The following DYRK1A variants were observed in gnomAD, a reference collection of about 807,000 sequenced individuals.
DYRK1A encodes dual specificity tyrosine phosphorylation regulated kinase 1A.
In DYRK1A, 9 loss-of-function variants were observed where a neutral mutation model predicts 79.7. The ratio of observed to expected loss-of-function variants is 0.11; its 90% confidence interval spans 0.07 to 0.20. DYRK1A has a LOEUF of 0.20. Among genes scored for constraint, DYRK1A ranks in the 10% least tolerant of loss-of-function variants. The probability of loss-of-function intolerance (pLI) is 1.00; values close to 1 mark genes in which losing one functional copy is unlikely to be tolerated. For missense variants in DYRK1A, 622 were observed against 956.0 expected, an observed-to-expected ratio of 0.65 and a Z score of 4.61; for synonymous variants, 349 against 329.7, an observed-to-expected ratio of 1.06 and a Z score of -0.63.
chr21:37,521,143 G>A lies in DYRK1A; in HGVS notation c.*8612G>A, dbSNP rs1001778156. On this transcript the variant is annotated 3_prime_UTR_variant, in exon 12 of 12. Transcript: ENST00000647188. ...CCCACGTGCGTATTCACTAATTGTGGTCTTTCTCCCCAGCTCGGTTTTGTT... is the reference window on the plus strand; with the variant it reads ...CCCACGTGCGTATTCACTAATTGTGATCTTTCTCCCCAGCTCGGTTTTGTT... 2 of 152,194 alleles carry A rather than the reference G, an allele frequency of 1.3e-5. No individual in the cohort carries two copies. Among genetic ancestry groups the A allele is most frequent in the South Asian group, 2.1e-4 (1 of 4,832 alleles). The allele number at this position is 152,194 out of a possible 1,614,324, so 9.4% of individuals were successfully genotyped here. A position where few individuals can be genotyped will look rare whatever the true frequency, so the allele number is the denominator to read the frequency against.
intron 1 of DYRK1A, among the ~76,000 whole-genome samples, chr21:37,385,030 C>T (rs762485357): frequency 6.6e-6 from 1 of 151,884 alleles, no homozygotes; most frequent in East Asian, 1.9e-4. Context: ...ATGTTGACAT[C>T]TTGGACGTGA....
intron 1 of DYRK1A, among the ~76,000 whole-genome samples, chr21:37,408,203 T>G (rs1467702245): frequency 6.6e-6 from 1 of 152,248 alleles, no homozygotes; most frequent in Admixed American, 6.5e-5. Context: ...GTGTCACTGA[T>G]TCTTTAAATT....
intron 2 of DYRK1A, among the ~76,000 whole-genome samples, chr21:37,428,657 T>A (rs566317810): frequency 6.6e-6 from 1 of 152,314 alleles, no homozygotes; most frequent in East Asian, 1.9e-4. Flanking sequence ...TTTGATGGGA[T>A]TTGTTTTTTG....
intron 11 of DYRK1A, among the ~76,000 whole-genome samples, chr21:37,508,478 G>T (rs1468342330): frequency 1.3e-5 from 2 of 152,120 alleles, no homozygotes; most frequent in Non-Finnish European, 2.9e-5. Flanking sequence ...GTAGAGACGG[G>T]GTTTTGCCAC....
rs950464497 is a variant in DYRK1A at position 37,494,631 on chromosome 21, C to T, written c.1071+1468C>T. On this transcript the variant is annotated intron_variant, in intron 8 of 11. Transcript: ENST00000647188. ...TCCTCATCCCATAGTTCTTAGCCAG[C>T]ATCTGACATCATGTATTTAATTATT... Among the ~76,000 whole-genome samples, 10 of 152,082 alleles carry T rather than the reference C, an allele frequency of 6.6e-5. No individual in the cohort carries two copies. In the South Asian group the frequency reaches 8.3e-4, roughly 13 times the overall value.
In DYRK1A at chr21:37,521,489, C is replaced by A. The variant is rs1443193331; in HGVS notation, c.*8958C>A. 3.3e-5 allele frequency: 5 copies of A among 152,208 alleles called. No homozygotes were observed. Among genetic ancestry groups the A allele is most frequent in the Non-Finnish European group, 7.3e-5 (5 of 68,042 alleles). The allele number at this position is 152,208 out of a possible 1,614,324, so 9.4% of individuals were successfully genotyped here. ...TTGAACACCAGTCATGTGCAAAGCA[C>A]TTAGCTAGGTCTTAGGGATGAGGAC... On this transcript the variant is annotated 3_prime_UTR_variant, in exon 12 of 12. Transcript: ENST00000647188.
intron 2 of DYRK1A, among the ~76,000 whole-genome samples, chr21:37,456,893 T>C (rs1287228666): frequency 6.6e-6 from 1 of 152,196 alleles, no homozygotes; most frequent in African/African-American, 2.4e-5. Context: ...TTATTACTTT[T>C]TAATTGTGAA....
chr21:37,506,352 A>G (rs2053599106), intron 11 of DYRK1A, 129 bp downstream of exon 11: 1 of 1,570,772 alleles, frequency 6.4e-7, no homozygotes, highest in African/African-American at 1.3e-5. Flanking sequence ...TGTCTAAGGA[A>G]ATGTAAGTAT....
intron 11 of DYRK1A, among the ~76,000 whole-genome samples, chr21:37,508,489 G>A (rs1375143748): frequency 6.6e-6 from 1 of 152,106 alleles, no homozygotes; most frequent in Non-Finnish European, 1.5e-5. Flanking sequence ...GTTTTGCCAC[G>A]TTGGCCAGGC....
chr21:37,456,866 A>AATGT (rs901391126), intron 2 of DYRK1A, among the ~76,000 whole-genome samples: 4 of 152,250 alleles, frequency 2.6e-5, no homozygotes, highest in South Asian at 2.1e-4. Flanking sequence ...GAGTTCAGTG[A>AATGT]ATGTTGTCAC....
At chr21:37,488,368 T>C (rs1367450907) in intron 6 of DYRK1A, 14 of 895,840 alleles carry the variant, frequency 1.6e-5, no homozygotes, top group South Asian at 5.2e-5. Flanking sequence ...GAAAGTCATA[T>C]TGATTTTTAT....
At chr21:37,463,393 T>G (rs1288378368) in intron 2 of DYRK1A, among the ~76,000 whole-genome samples, 1 of 152,226 alleles carries the variant, frequency 6.6e-6, no homozygotes, top group African/African-American at 2.4e-5. Flanking sequence ...TAACACCTTC[T>G]GTGGAGCCAG....
In DYRK1A at chr21:37,518,244, C is replaced by CA. The variant is rs1179831990; in HGVS notation, c.*5714dup. 1 of 152,186 alleles carries CA rather than the reference C, an allele frequency of 6.6e-6. No homozygotes were observed. Among genetic ancestry groups the CA allele is most frequent in the East Asian group, 1.9e-4 (1 of 5,202 alleles). The allele number at this position is 152,186 out of a possible 1,614,324, so 9.4% of individuals were successfully genotyped here. ...AGAAAGAGCGTTTTTATGTACATCA[C>CA]AGACAAGCCTTGTTCTGCTGAAGAG... On this transcript the variant is annotated 3_prime_UTR_variant, in exon 12 of 12. Transcript: ENST00000647188.
chr21:37,493,207 T>A, intron 8 of DYRK1A, 44 bp downstream of exon 8: 6 of 1,550,546 alleles, frequency 3.9e-6, no homozygotes, highest in Non-Finnish European at 5.3e-6. Flanking sequence ...CATAATTTCT[T>A]TTTGTCTTTC....
At chr21:37,434,078 G>C (rs2050853802) in intron 2 of DYRK1A, among the ~76,000 whole-genome samples, 1 of 152,120 alleles carries the variant, frequency 6.6e-6, no homozygotes, top group Non-Finnish European at 1.5e-5. Context: ...AGGTGTGGGT[G>C]ATGGGTGCTT....
intron 7 of DYRK1A, among the ~76,000 whole-genome samples, chr21:37,492,039 GTTC>G (rs1375714528): frequency 6.6e-6 from 1 of 152,214 alleles, no homozygotes; most frequent in Non-Finnish European, 1.5e-5. Context: ...AGGTGACAAA[GTTC>G]TTGGCATAAG....
chr21:37,502,048 C>G (rs560935863), intron 9 of DYRK1A: 2 of 152,196 alleles, frequency 1.3e-5, no homozygotes, highest in East Asian at 1.9e-4. Context: ...TATAGTCTTA[C>G]CAGTGTTCTT....
intron 8 of DYRK1A, among the ~76,000 whole-genome samples, chr21:37,494,103 G>A (rs1474425642): frequency 6.6e-6 from 1 of 151,836 alleles, no homozygotes; most frequent in Non-Finnish European, 1.5e-5. Context: ...TGTTGGCCAG[G>A]CTGCTCTCGA....
intron 3 of DYRK1A, 90 bp from the exon 4 acceptor site, chr21:37,478,118 A>G (rs1436196000): frequency 5.2e-6 from 8 of 1,545,766 alleles, no homozygotes; most frequent in Non-Finnish European, 7.0e-6. Context: ...AGATACATGC[A>G]GGTTACAGAA....
Sources: gnomAD v4.1 joint callset for allele counts (sites outside exome capture counted in the v4.1 genomes callset) on GRCh38, gnomAD v4.1.1 for gene constraint, MANE v1.5 for transcripts, NCBI Gene and HGNC (gene_info 2026-07-23, HGNC 2026-07-21) for gene names.